Variants in FOCAD observed in about 807,000 individuals in gnomAD.
The protein encoded by FOCAD is focadhesin.
A neutral mutation model predicts 225.6 loss-of-function variants in FOCAD; 198 were observed. The ratio of observed to expected loss-of-function variants is 0.88; its 90% CI spans 0.78 to 0.99. The LOEUF is 0.99. FOCAD is among the 50% of genes least tolerant of loss of function. The pLI is 0.00. For synonymous variants in FOCAD, 897 were observed against 755.0 expected (o/e 1.19, Z -3.08); for missense variants, 2,713 against 2,123.6 (o/e 1.28, Z -5.46).
At chr9:20,937,922 T>G (rs1444045855) in intron 28 of FOCAD, among the ~76,000 whole-genome samples, 1 of 152,192 alleles carries the variant, frequency 6.6e-6, no homozygotes, top group South Asian at 2.1e-4. Context: ...GGGCAAAGGA[T>G]ATGAACAGAC....
chr9:20,706,354 A>G (rs1471915689), intron 1 of FOCAD, among the ~76,000 whole-genome samples: 1 of 152,174 alleles, frequency 6.6e-6, no homozygotes. Context: ...TGTAAGTAGC[A>G]TGTGATATTG....
At position 20,948,448 on chromosome 9, in the gene FOCAD, C is replaced by G. The variant is rs1452865817; in HGVS notation, c.3798+55C>G. 3.8e-6 allele frequency: 6 copies of G among 1,575,160 alleles called. No homozygotes were observed. The African/African-American group carries it at 6.8e-5, about 18-fold the overall frequency. On this transcript the variant is annotated intron_variant, in intron 31 of 43. Transcript: ENST00000338382. ...TATTTTTATAATGGAAAAAGAACTA[C>G]TTTATTGGATCATTTATAGGAGTTG...
intron 1 of FOCAD, chr9:20,694,564 G>T (rs1823194185): frequency 6.6e-6 from 1 of 151,982 alleles, no homozygotes; most frequent in African/African-American, 2.4e-5. Context: ...AGTTGAAAAT[G>T]GTAATAATTT....
At chr9:20,975,305 C>A (rs1357364456) in intron 35 of FOCAD, among the ~76,000 whole-genome samples, 2 of 152,112 alleles carry the variant, frequency 1.3e-5, no homozygotes, top group Non-Finnish European at 2.9e-5. Flanking sequence ...TTTCTAATTA[C>A]CCTATACACA....
At chr9:20,924,964 C>G (rs997320091) in intron 25 of FOCAD, among the ~76,000 whole-genome samples, 44 of 152,118 alleles carry the variant, frequency 2.9e-4, no homozygotes, top group Non-Finnish European at 1.3e-4. Flanking sequence ...TTTGATTGAG[C>G]ATTTAACTAA....
intron 6 of FOCAD, among the ~76,000 whole-genome samples, chr9:20,763,918 A>C (rs926912572): frequency 6.6e-6 from 1 of 152,166 alleles, no homozygotes; most frequent in African/African-American, 2.4e-5. Flanking sequence ...GATACAAAAG[A>C]TTTGTAGGGT....
In FOCAD at chr9:20,882,183, A is replaced by G. The variant is rs371153581; in HGVS notation, c.2503+127A>G. The G allele has an allele frequency of 8.8e-6, 7 of 791,976 alleles. No individual in the cohort carries two copies. In the African/African-American group the frequency reaches 1.0e-4, roughly 12 times the overall value. 49.1% of individuals were successfully genotyped at this position (791,976 alleles called of 1,614,324 possible). ...GCTACTAACATGTGGATAAATTATA[A>G]AAATCATCGCACTTTAAAAGACATC... On this transcript the variant is annotated intron_variant, in intron 20 of 43. Transcript: ENST00000338382.
chr9:20,966,181 G>A lies in FOCAD; in HGVS notation c.4133-10239G>A, dbSNP rs555757055. ...TATAGGAGGGTTCCAATTTCTCCACGTTCTCGCCAACACTTATTTTCCATT... is the reference window on the plus strand; with the variant it reads ...TATAGGAGGGTTCCAATTTCTCCACATTCTCGCCAACACTTATTTTCCATT... On this transcript the variant is annotated intron_variant, in intron 35 of 43. Transcript: ENST00000338382. Among the ~76,000 whole-genome samples, 319 of 152,036 alleles carry A rather than the reference G, an allele frequency of 2.1e-3. 4 individuals are homozygous for A. Among genetic ancestry groups the A allele is most frequent in the African/African-American group, 7.3e-3 (302 of 41,470 alleles).
At chr9:20,945,571 A>G (rs1326277679) in intron 29 of FOCAD, among the ~76,000 whole-genome samples, 1 of 152,194 alleles carries the variant, frequency 6.6e-6, no homozygotes, top group Non-Finnish European at 1.5e-5. Context: ...GGCACAGAGG[A>G]ATGAAGTTTT....
intron 7 of FOCAD, among the ~76,000 whole-genome samples, chr9:20,767,822 T>G (rs1052914125): frequency 2.0e-5 from 3 of 150,676 alleles, no homozygotes; most frequent in Non-Finnish European, 3.0e-5. Flanking sequence ...AGAAGCTCTT[T>G]AGTTTAATTA....
chr9:20,829,743 A>G (rs1825297967), intron 15 of FOCAD, among the ~76,000 whole-genome samples: 1 of 152,124 alleles, frequency 6.6e-6, no homozygotes, highest in Non-Finnish European at 1.5e-5. Context: ...AACATATATC[A>G]TGCTCTTCTT....
chr9:20,947,783 A>T (rs962264005), intron 30 of FOCAD, among the ~76,000 whole-genome samples: 1 of 152,158 alleles, frequency 6.6e-6, no homozygotes, highest in Non-Finnish European at 1.5e-5. Flanking sequence ...TTATTGCAGA[A>T]TTCATTGGTT....
At position 20,888,119 on chromosome 9, in the gene FOCAD, TTTCTTTTTTTTTTTTTC is replaced by T. The variant is rs1442339939; in HGVS notation, c.2625+2906_2625+2922del. 7.3e-5 allele frequency among the ~76,000 whole-genome samples: 11 copies of T among 150,016 alleles called. No homozygotes were observed. In the East Asian group the frequency reaches 1.2e-3, roughly 16 times the overall value. ...CTTAGTGTGTTACATGTCTTTTCAT[TTTCTTTTTTTTTTTTTC>T]TTCTTTTTTTTTTTTTTTTTGAGAT... On this transcript the variant is annotated intron_variant, in intron 21 of 43. Transcript: ENST00000338382.
chr9:20,915,400 G>A (rs1422602585), intron 23 of FOCAD, among the ~76,000 whole-genome samples: 1 of 152,156 alleles, frequency 6.6e-6, no homozygotes, highest in East Asian at 1.9e-4. Context: ...AACCAAAAGA[G>A]AGTAAAATCT....
At chr9:20,945,997 A>G (rs1837136193) in intron 29 of FOCAD, among the ~76,000 whole-genome samples, 1 of 152,208 alleles carries the variant, frequency 6.6e-6, no homozygotes, top group African/African-American at 2.4e-5. Context: ...GCCCAAAGTT[A>G]CTACGCTAGT....
intron 28 of FOCAD, among the ~76,000 whole-genome samples, chr9:20,943,818 G>C (rs1221581991): frequency 6.6e-6 from 1 of 152,116 alleles, no homozygotes; most frequent in South Asian, 2.1e-4. Context: ...AATGACAAAA[G>C]CTTTTTTTCT....
intron 15 of FOCAD, among the ~76,000 whole-genome samples, chr9:20,836,238 G>T (rs537511488): frequency 6.6e-6 from 1 of 152,036 alleles, no homozygotes. Context: ...ATTTTTTAGC[G>T]TGGTAAATAT....
intron 35 of FOCAD, among the ~76,000 whole-genome samples, chr9:20,972,835 C>G (rs528071238): frequency 6.6e-6 from 1 of 152,300 alleles, no homozygotes; most frequent in African/African-American, 2.4e-5. Context: ...TCCGCTTCTC[C>G]TTGTTCCCAT....
Position 20,765,042 on chromosome 9 carries a change from A to C in FOCAD, c.668A>C (p.Gln223Pro), listed in dbSNP as rs1467590287. 6.2e-7 allele frequency: 1 copy of C among 1,614,000 alleles called. No homozygotes were observed. ...TCAATACTGGAACAGCAGATACTTC[A>C]ACTGTGTTGTGACATAGTTCCATGT... ...QPSILEQQILQLCCDIVPCLQ... is the reference protein window; with the variant it reads ...QPSILEQQILPLCCDIVPCLQ... Residue 223 changes from glutamine to proline, a missense_variant, in exon 7 of 44, where the codon CAA becomes CCA. By Grantham distance (76) the Gln-to-Pro change is moderately conservative. Coordinates refer to ENST00000338382, the MANE Select transcript of FOCAD (RefSeq NM_001375567.1).
Sources: allele counts gnomAD v4.1 joint callset (sites outside exome capture counted in the v4.1 genomes callset), GRCh38; gene constraint gnomAD v4.1.1; transcripts MANE v1.5; gene names NCBI Gene and HGNC (gene_info 2026-07-23, HGNC 2026-07-21).